NUBP2: variants seen among roughly 807,000 people sequenced by gnomAD.
NUBP2 encodes the protein cytosolic Fe-S cluster assembly factor NUBP2.
NUBP2 carries 23 observed loss-of-function variants against 24.9 expected under a neutral mutation model. The observed-to-expected ratio is 0.92, with a 90% CI of 0.66 to 1.31. The LOEUF (loss-of-function observed/expected upper bound fraction) is 1.31, where lower values mean the gene tolerates loss of function less well. Among genes scored for constraint, NUBP2 ranks in the 50% most tolerant of loss-of-function variants. The probability of loss-of-function intolerance (pLI) is 0.00; values close to 1 mark genes in which losing one functional copy is unlikely to be tolerated. For synonymous variants in NUBP2, 186 were observed against 170.9 expected (o/e 1.09, Z -0.69); for missense variants, 403 against 386.5 (o/e 1.04, Z -0.36).
In NUBP2 at chr16:1,785,102, A is replaced by G. The variant is rs932946247; in HGVS notation, c.17-1435A>G. ...AAAATATATTTGTCCACCACGTGGA[A>G]TGATCTGGATTTGCTAACCCATAAA... On this transcript the variant is annotated intron_variant, in intron 1 of 6. Transcript: ENST00000262302. 9 of 986,354 alleles carry G rather than the reference A, an allele frequency of 9.1e-6. No homozygotes were observed. In the African/African-American group the frequency reaches 1.6e-4, roughly 17 times the overall value. 61.1% of individuals were successfully genotyped at this position (986,354 alleles called of 1,614,324 possible).
chr16:1,785,411 C>T (rs1200542324), intron 1 of NUBP2: 5 of 1,172,362 alleles, frequency 4.3e-6, no homozygotes, highest in South Asian at 1.6e-5. Context: ...CCTCTGCCAA[C>T]GAGGAGAGCC....
chr16:1,785,593 C>T lies in NUBP2; in HGVS notation c.17-944C>T, dbSNP rs1431184616. On this transcript the variant is annotated intron_variant, in intron 1 of 6. Transcript: ENST00000262302. ...TTAAGTCAGAACCCCTTTTATTGCC[C>T]CAGGGGTGACCGGGAGGCCGTGGTC... is the stretch of plus-strand genomic sequence containing the variant. The T allele has an allele frequency of 2.3e-6, 3 of 1,276,734 alleles. No individual in the cohort carries two copies. The African/African-American group carries it at 4.6e-5, about 20-fold the overall frequency. 79.1% of individuals were successfully genotyped at this position (1,276,734 alleles called of 1,614,324 possible).
chr16:1,788,353 G>A (rs1159811441), intron 6 of NUBP2, 146 bp downstream of exon 6: 11 of 1,076,150 alleles, frequency 1.0e-5, no homozygotes, highest in South Asian at 5.2e-5. Flanking sequence ...ACGCCATGCC[G>A]CTGAGACCTG....
intron 5 of NUBP2, 29 bp from the exon 6 acceptor site, chr16:1,788,109 G>A: frequency 6.5e-7 from 1 of 1,548,846 alleles, no homozygotes; most frequent in Non-Finnish European, 8.7e-7. Context: ...GGGGCTTTGG[G>A]CAGTGCTGGG....
At chr16:1,785,971 G>A in intron 1 of NUBP2, 1 of 1,214,548 alleles carries the variant, frequency 8.2e-7, no homozygotes, top group Non-Finnish European at 1.1e-6. Flanking sequence ...GGGACAGGAT[G>A]GGACCCTGGA....
At chr16:1,785,164 G>T in intron 1 of NUBP2, 1 of 996,920 alleles carries the variant, frequency 1.0e-6, no homozygotes, top group Non-Finnish European at 1.2e-6. Flanking sequence ...GAGCGCACTC[G>T]CCTTCCTCGG....
intron 1 of NUBP2, chr16:1,786,289 C>G (rs1308460341): frequency 1.8e-6 from 1 of 540,984 alleles, no homozygotes; most frequent in African/African-American, 1.9e-5. Context: ...TTTCCACTCT[C>G]AGCAGCGCCG....
At position 1,788,710 on chromosome 16, in the gene NUBP2, CCTGA is replaced by C. The variant is rs1897117048; in HGVS notation, c.815_*2del. The C allele has an allele frequency of 3.1e-6, 5 of 1,609,466 alleles. No individual in the cohort carries two copies. Among genetic ancestry groups the C allele is most frequent in the Middle Eastern group, 1.6e-4 (1 of 6,074 alleles). ...CTGGACGCGACGCCCGCGTGCCTCC[CCTGA>C]CTAAGGCCACCTTGCAGCCGCTTTC... is the stretch of plus-strand genomic sequence containing the variant. On this transcript the variant is annotated frameshift_variant and stop_lost, in exon 7 of 7. Coordinates refer to ENST00000262302, the MANE Select transcript of NUBP2 (RefSeq NM_012225.4). LOFTEE classifies it high-confidence loss of function.
rs562062557 is a variant in NUBP2 at position 1,787,349 on chromosome 16, A to T, written c.335-328A>T. On this transcript the variant is annotated intron_variant, in intron 3 of 6. Coordinates refer to ENST00000262302, the MANE Select transcript of NUBP2 (RefSeq NM_012225.4). ...CTGTGGGTGCACCAGTGGGGCATCC[A>T]CCACGGAGAATGTGGGTGCTCCCAT... 3 of 446,888 alleles carry T rather than the reference A, an allele frequency of 6.7e-6. No individual in the cohort carries two copies. In the East Asian group the frequency reaches 1.1e-4, roughly 16 times the overall value. The allele number at this position is 446,888 out of a possible 1,614,324, so 27.7% of individuals were successfully genotyped here.
At chr16:1,785,591 C>T (rs746105017) in intron 1 of NUBP2, 1 of 1,274,994 alleles carries the variant, frequency 7.8e-7, no homozygotes, top group South Asian at 1.3e-5. Flanking sequence ...CCTTTTATTG[C>T]CCCAGGGGTG....
At chr16:1,788,517 G>C in intron 6 of NUBP2, 52 bp from the exon 7 acceptor site, 1 of 1,539,382 alleles carries the variant, frequency 6.5e-7, no homozygotes. Flanking sequence ...TGAGCCAATG[G>C]TGGGAGTGGA....
chr16:1,786,460 A>T, intron 1 of NUBP2, 77 bp from the exon 2 acceptor site: 1 of 1,249,690 alleles, frequency 8.0e-7, no homozygotes, highest in Non-Finnish European at 1.1e-6. Context: ...TGGGTGCAAG[A>T]GGCAGTGGGT....
chr16:1,786,366 C>G, intron 1 of NUBP2, 171 bp from the exon 2 acceptor site: 2 of 661,584 alleles, frequency 3.0e-6, no homozygotes, highest in Non-Finnish European at 5.2e-6. Context: ...TGCAGGGGAC[C>G]TGCCTGGAGG....
rs1897034588 is a variant in NUBP2 at position 1,787,534 on chromosome 16, C to T, written c.335-143C>T. On this transcript the variant is annotated intron_variant, in intron 3 of 6. Transcript: ENST00000262302. ...ACTCCTGCAGCGGGCCAGGGCCTCC[C>T]GAGAGCCTGTGATGGAGGCTGGTGG... 5.0e-5 allele frequency: 57 copies of T among 1,134,098 alleles called. No homozygotes were observed. In the South Asian group the frequency reaches 7.2e-4, roughly 14 times the overall value. The allele number at this position is 1,134,098 out of a possible 1,614,324, so 70.3% of individuals were successfully genotyped here.
At position 1,786,913 on chromosome 16, in the gene NUBP2, A is replaced by G; in HGVS notation, c.292A>G (p.Lys98Glu). The G allele has an allele frequency of 6.5e-7, 1 of 1,544,962 alleles. No individual in the cohort carries two copies. The highest frequency in any genetic ancestry group is 8.8e-7 in the Non-Finnish European group (1 of 1,140,714). Reference protein sequence around the residue: ...SLMSVGFLLEKPDEAVVWRGP... With the variant: ...SLMSVGFLLEEPDEAVVWRGP... ...CATGTCTGTGGGCTTCCTGCTGGAGAAGCCGGACGAGGCCGTGGTGTGGAG... is the reference window on the plus strand; with the variant it reads ...CATGTCTGTGGGCTTCCTGCTGGAGGAGCCGGACGAGGCCGTGGTGTGGAG... Residue 98 changes from lysine (K) to glutamate (E), a missense_variant, in exon 3 of 7, where the codon AAG becomes GAG. Coordinates refer to ENST00000262302, the MANE Select transcript of NUBP2 (RefSeq NM_012225.4).
At position 1,788,653 on chromosome 16, in the gene NUBP2, T is replaced by G; in HGVS notation, c.755T>G (p.Phe252Cys). The G allele has an allele frequency of 1.9e-6, 3 of 1,612,250 alleles. No individual in the cohort carries two copies. The highest frequency in any genetic ancestry group is 2.5e-6 in the Non-Finnish European group (3 of 1,179,746). Residue 252 changes from phenylalanine to cysteine, a missense_variant, in exon 7 of 7, where the codon TTC (phenylalanine) becomes TGC (cysteine). By Grantham distance (205) the Phe-to-Cys change is radical. Transcript: ENST00000262302. ...CAGGAGTTCCCTGGGAGCCCCGCCTTCGCTGCACTCACCTCCATAGCCCAG... is the reference window on the plus strand; with the variant it reads ...CAGGAGTTCCCTGGGAGCCCCGCCTGCGCTGCACTCACCTCCATAGCCCAG... ...FIQEFPGSPA[F>C]AALTSIAQKI...
intron 3 of NUBP2, 167 bp downstream of exon 3, chr16:1,787,122 G>T (rs1397415991): frequency 3.2e-6 from 2 of 617,886 alleles, no homozygotes; most frequent in Admixed American, 3.3e-5. Context: ...TCTCCAGTTG[G>T]GTCCGTGCTG....
chr16:1,786,033 G>C lies in NUBP2; in HGVS notation c.17-504G>C, dbSNP rs547549157. The C allele has an allele frequency of 4.0e-5, 47 of 1,167,200 alleles. No individual in the cohort carries two copies. The African/African-American group carries it at 6.6e-4, about 16-fold the overall frequency. The allele number at this position is 1,167,200 out of a possible 1,614,324, so 72.3% of individuals were successfully genotyped here. A position where few individuals can be genotyped will look rare whatever the true frequency, so the allele number is the denominator to read the frequency against. On this transcript the variant is annotated intron_variant, in intron 1 of 6. Coordinates refer to ENST00000262302, the MANE Select transcript of NUBP2 (RefSeq NM_012225.4). ...AAGCAGCCGGCTCCCCTCACTTACCGCACATTGCAGGGACCGAGAGCCGGG... is the reference window on the plus strand; with the variant it reads ...AAGCAGCCGGCTCCCCTCACTTACCCCACATTGCAGGGACCGAGAGCCGGG...
chr16:1,788,644 G>A lies in NUBP2; in HGVS notation c.746G>A (p.Ser249Asn). 6.2e-7 allele frequency: 1 copy of A among 1,611,296 alleles called. No individual in the cohort carries two copies. Among genetic ancestry groups the A allele is most frequent in the Non-Finnish European group, 8.5e-7 (1 of 1,179,452 alleles). ...GHDFIQEFPG[S>N]PAFAALTSIA... ...GACTTCATCCAGGAGTTCCCTGGGA[G>A]CCCCGCCTTCGCTGCACTCACCTCC... Residue 249 changes from serine (S) to asparagine (N), a missense_variant, in exon 7 of 7, where the codon AGC (serine) becomes AAC (asparagine). Coordinates refer to ENST00000262302, the MANE Select transcript of NUBP2 (RefSeq NM_012225.4).
Sources: allele counts gnomAD v4.1 joint callset, GRCh38; gene constraint gnomAD v4.1.1; transcripts MANE v1.5; gene names NCBI Gene and HGNC (gene_info 2026-07-23, HGNC 2026-07-21).